Variants in EPDR1 observed in about 807,000 individuals in gnomAD.
EPDR1 encodes the protein mammalian ependymin-related protein 1.
EPDR1 carries 27 observed loss-of-function variants against 23.7 expected under a neutral mutation model. That is an observed-to-expected ratio of 1.14 (90% CI 0.84 to 1.57). The LOEUF is 1.57. Among genes scored for constraint, EPDR1 ranks in the 40% most tolerant of loss-of-function variants. The pLI is 0.00. For synonymous variants in EPDR1, 137 were observed against 118.2 expected, an observed-to-expected ratio of 1.16 and a Z score of -1.03; for missense variants, 349 against 290.4, an observed-to-expected ratio of 1.20 and a Z score of -1.47.
intron 1 of EPDR1, among the ~76,000 whole-genome samples, chr7:37,924,116 C>G (rs541382864): frequency 6.6e-6 from 1 of 152,328 alleles, no homozygotes; most frequent in African/African-American, 2.4e-5. Flanking sequence ...GGCATGAGGA[C>G]CAGCATTCTC....
intron 2 of EPDR1, 68 bp from the exon 3 acceptor site, chr7:37,950,132 C>T: frequency 1.7e-6 from 2 of 1,202,678 alleles, no homozygotes; most frequent in East Asian, 2.4e-5. Context: ...CATTTTACCA[C>T]CATAAGAAAA....
chr7:37,928,429 A>G (rs2132002493), intron 1 of EPDR1, among the ~76,000 whole-genome samples: 1 of 152,044 alleles, frequency 6.6e-6, no homozygotes, highest in South Asian at 2.1e-4. Flanking sequence ...TGATCTTACC[A>G]GCTGAAATCT....
At chr7:37,927,333 C>G (rs887342915) in intron 1 of EPDR1, among the ~76,000 whole-genome samples, 1 of 152,160 alleles carries the variant, frequency 6.6e-6, no homozygotes, top group Non-Finnish European at 1.5e-5. Flanking sequence ...GGTGTTTAAA[C>G]TGATGCCTTC....
chr7:37,942,079 A>G (rs1406645783), intron 1 of EPDR1, among the ~76,000 whole-genome samples: 1 of 152,240 alleles, frequency 6.6e-6, no homozygotes, highest in East Asian at 1.9e-4. Context: ...TTTAAAATGC[A>G]TAGTTAGAAA....
intron 1 of EPDR1, among the ~76,000 whole-genome samples, chr7:37,935,575 T>C (rs1029464523): frequency 6.6e-6 from 1 of 152,204 alleles, no homozygotes; most frequent in Admixed American, 6.5e-5. Context: ...ATCATACAGC[T>C]CATCAATAGC....
chr7:37,930,368 A>G (rs1192611173), intron 1 of EPDR1, among the ~76,000 whole-genome samples: 2 of 152,246 alleles, frequency 1.3e-5, no homozygotes, highest in Non-Finnish European at 2.9e-5. Context: ...ATTGTCAGCA[A>G]TAGGTAACAT....
chr7:37,929,709 C>T (rs1465181530), intron 1 of EPDR1, among the ~76,000 whole-genome samples: 2 of 152,040 alleles, frequency 1.3e-5, no homozygotes, highest in Non-Finnish European at 2.9e-5. Context: ...TTTTTGACAT[C>T]GAATTACACT....
intron 1 of EPDR1, among the ~76,000 whole-genome samples, chr7:37,933,288 G>T: frequency 6.6e-6 from 1 of 152,116 alleles, no homozygotes; most frequent in East Asian, 1.9e-4. Flanking sequence ...TTCCATAAAA[G>T]CCAAAGTCCT....
In EPDR1 at chr7:37,920,877, C is replaced by G; in HGVS notation, c.-63C>G. 1.2e-6 allele frequency: 2 copies of G among 1,611,550 alleles called. No homozygotes were observed. The highest frequency in any genetic ancestry group is 2.2e-5 in the South Asian group (2 of 90,906). On this transcript the variant is annotated 5_prime_UTR_variant, in exon 1 of 3. In the 5' UTR this introduces an upstream ATG that the reference lacks. Transcript: ENST00000199448. ...AAGAGCCGGCGGGAGCCACTCTGAT[C>G]CCGGACGCCTCAGCGCCCCCTTGGG...
rs1562854469 is a variant in EPDR1 at position 37,920,804 on chromosome 7, G to A, written c.-136G>A. On this transcript the variant is annotated 5_prime_UTR_variant, in exon 1 of 3. Transcript: ENST00000199448. ...CTCAAAAGCGGCAGAGGCCACCGAA[G>A]GGACAGGAAGCACTTTGGTCCAGAC... 2.5e-6 allele frequency: 4 copies of A among 1,610,354 alleles called. No individual in the cohort carries two copies. Among genetic ancestry groups the A allele is most frequent in the South Asian group, 2.2e-5 (2 of 90,220 alleles).
chr7:37,924,767 C>G (rs1785783234), intron 1 of EPDR1, among the ~76,000 whole-genome samples: 1 of 152,170 alleles, frequency 6.6e-6, no homozygotes, highest in Non-Finnish European at 1.5e-5. Flanking sequence ...TTTTTAAGCT[C>G]TTTAAGTGTA....
intron 1 of EPDR1, chr7:37,926,815 T>C: frequency 2.4e-6 from 1 of 416,912 alleles, no homozygotes; most frequent in Non-Finnish European, 4.9e-6. Flanking sequence ...TAGTAAGATT[T>C]GGTAGGGAAA....
At chr7:37,929,070 G>A (rs116421406) in intron 1 of EPDR1, among the ~76,000 whole-genome samples, 2,631 of 152,164 alleles carry the variant, frequency 0.017, 63 homozygotes, top group African/African-American at 0.06. Context: ...GCCTCAGCAC[G>A]CTGACCCCAT....
chr7:37,921,254 C>A, intron 1 of EPDR1, 46 bp downstream of exon 1: 1 of 1,536,102 alleles, frequency 6.5e-7, no homozygotes, highest in Non-Finnish European at 8.7e-7. Context: ...GCCGCGCGGG[C>A]ATGGGGAGGG....
intron 1 of EPDR1, among the ~76,000 whole-genome samples, chr7:37,922,572 G>A (rs371422107): frequency 3.3e-5 from 5 of 151,980 alleles, no homozygotes; most frequent in East Asian, 1.9e-4. Context: ...TGACAGTATA[G>A]GTTTTATGAT....
At chr7:37,924,673 C>T (rs902927512) in intron 1 of EPDR1, among the ~76,000 whole-genome samples, 7 of 152,124 alleles carry the variant, frequency 4.6e-5, no homozygotes, top group East Asian at 1.9e-4. Flanking sequence ...CCTTTCTTTC[C>T]GAGTTCTTGG....
chr7:37,941,232 C>T (rs1385680262), intron 1 of EPDR1, among the ~76,000 whole-genome samples: 2 of 152,220 alleles, frequency 1.3e-5, no homozygotes, highest in Non-Finnish European at 2.9e-5. Context: ...ATGATCCTAA[C>T]TCCCAGTGAA....
chr7:37,920,930 G>C lies in EPDR1; in HGVS notation c.-10G>C, dbSNP rs1365800021. ...TGGGCTTGCCCTCGGGCCGGGGAAG[G>C]CTGACCGCGATGCCAGGACGCGCTC... is the stretch of plus-strand genomic sequence containing the variant. On this transcript the variant is annotated 5_prime_UTR_variant, in exon 1 of 3. Coordinates refer to ENST00000199448, the MANE Select transcript of EPDR1 (RefSeq NM_017549.5). The C allele has an allele frequency of 2.5e-6, 4 of 1,609,340 alleles. No individual in the cohort carries two copies. The highest frequency in any genetic ancestry group is 3.4e-6 in the Non-Finnish European group (4 of 1,178,618).
At chr7:37,925,376 A>G (rs979449323) in intron 1 of EPDR1, among the ~76,000 whole-genome samples, 27 of 152,342 alleles carry the variant, frequency 1.8e-4, no homozygotes, top group Middle Eastern at 3.4e-3. Context: ...ACAGTCTGGT[A>G]TCTTGGAATA....
Sources: allele counts gnomAD v4.1 joint callset (sites outside exome capture counted in the v4.1 genomes callset), GRCh38; gene constraint gnomAD v4.1.1; transcripts MANE v1.5; gene names NCBI Gene and HGNC (gene_info 2026-07-23, HGNC 2026-07-21).